The following LSAMP variants were observed in gnomAD, a reference collection of about 807,000 sequenced individuals.
The protein encoded by LSAMP is limbic system-associated membrane protein.
In LSAMP, 7 loss-of-function variants were observed where a neutral mutation model predicts 38.6. The ratio of observed to expected loss-of-function variants is 0.18; its 90% confidence interval spans 0.10 to 0.34. The LOEUF (loss-of-function observed/expected upper bound fraction) is 0.34. LSAMP is among the 10% of genes least tolerant of loss of function. The pLI, the probability that LSAMP is intolerant of heterozygous loss-of-function variation, is 1.00. For synonymous variants in LSAMP, 154 were observed against 166.8 expected (o/e 0.92, Z 0.59); for missense variants, 313 against 420.0 (o/e 0.75, Z 2.23).
chr3:115,936,432 A>G (rs1937704213), intron 3 of LSAMP, among the ~76,000 whole-genome samples: 1 of 151,540 alleles, frequency 6.6e-6, no homozygotes, highest in African/African-American at 2.4e-5. Context: ...TTCTTTAACT[A>G]TTTATTAATC....
At chr3:116,409,801 C>T (rs2048947123) in intron 1 of LSAMP, among the ~76,000 whole-genome samples, 2 of 152,010 alleles carry the variant, frequency 1.3e-5, no homozygotes, top group South Asian at 4.1e-4. Context: ...AGACATACGT[C>T]TAATTAAGGA....
At chr3:116,384,659 A>G (rs1334052648) in intron 1 of LSAMP, among the ~76,000 whole-genome samples, 1 of 152,184 alleles carries the variant, frequency 6.6e-6, no homozygotes, top group Non-Finnish European at 1.5e-5. Flanking sequence ...TGTTCTCAGT[A>G]CATGCAAACG....
intron 1 of LSAMP, among the ~76,000 whole-genome samples, chr3:116,356,335 C>T (rs2048223235): frequency 6.6e-6 from 1 of 152,132 alleles, no homozygotes; most frequent in Non-Finnish European, 1.5e-5. Flanking sequence ...GAAAGAAAAA[C>T]TTCACATGTT....
intron 3 of LSAMP, among the ~76,000 whole-genome samples, chr3:115,979,319 T>C (rs1049897090): frequency 2.6e-5 from 4 of 152,026 alleles, no homozygotes; most frequent in Middle Eastern, 3.4e-3. Context: ...AAAGGAAAGG[T>C]GAAAAGGCCC....
At chr3:116,427,451 T>C (rs1167378605) in intron 1 of LSAMP, among the ~76,000 whole-genome samples, 7 of 152,294 alleles carry the variant, frequency 4.6e-5, no homozygotes, top group African/African-American at 1.7e-4. Flanking sequence ...AACATGTCCA[T>C]AGAAACACAT....
intron 1 of LSAMP, among the ~76,000 whole-genome samples, chr3:116,241,177 A>T (rs1397931696): frequency 2.9e-5 from 4 of 138,000 alleles, no homozygotes; most frequent in African/African-American, 5.4e-5. Context: ...AACTCCATTT[A>T]AAAAAAAAAA....
chr3:115,833,926 C>T (rs564725269), intron 6 of LSAMP, among the ~76,000 whole-genome samples: 17 of 151,784 alleles, frequency 1.1e-4, no homozygotes, highest in South Asian at 2.1e-4. Flanking sequence ...CGTCTAAATA[C>T]GATGTAGGAG....
rs1576478242 is a variant in LSAMP, at chr3:116,278,680, G to A, written c.155+166197C>T. The stretch of plus-strand genomic sequence containing the variant: ...TTGTGTCATGAAAATATCTAGTAAA[G>A]TTAGCTCTTTTGATGATAATATTAT... On this transcript the variant is annotated intron_variant, in intron 1 of 6. Transcript: ENST00000490035. 2.6e-5 allele frequency among the ~76,000 whole-genome samples: 4 copies of A among 152,236 alleles called. No individual in the cohort carries two copies. The South Asian group carries it at 8.3e-4, about 32-fold the overall frequency.
intron 1 of LSAMP, among the ~76,000 whole-genome samples, chr3:116,103,571 T>C (rs1003653767): frequency 3.3e-5 from 5 of 151,196 alleles, no homozygotes; most frequent in African/African-American, 1.2e-4. Context: ...TTTTTTTTTT[T>C]TTGGCTATAT....
intron 3 of LSAMP, among the ~76,000 whole-genome samples, chr3:115,946,641 T>C (rs1231583467): frequency 6.6e-6 from 1 of 152,282 alleles, no homozygotes; most frequent in Admixed American, 6.5e-5. Flanking sequence ...TAATGCATAA[T>C]TAAAATCTTT....
At chr3:116,441,996 G>A (rs149301238) in intron 1 of LSAMP, among the ~76,000 whole-genome samples, 50 of 152,102 alleles carry the variant, frequency 3.3e-4, no homozygotes, top group African/African-American at 1.1e-3. Flanking sequence ...AGTTAGGTAT[G>A]TATACATGAA....
intron 1 of LSAMP, among the ~76,000 whole-genome samples, chr3:116,278,803 T>C (rs1441128863): frequency 6.6e-6 from 1 of 152,140 alleles, no homozygotes; most frequent in Non-Finnish European, 1.5e-5. Flanking sequence ...TACAATTTTA[T>C]TAAATAGATT....
intron 6 of LSAMP, among the ~76,000 whole-genome samples, chr3:115,837,402 A>G (rs964107412): frequency 2.0e-5 from 3 of 152,036 alleles, no homozygotes; most frequent in Non-Finnish European, 2.9e-5. Flanking sequence ...ATTGTTCTTT[A>G]ATGTGTGGGA....
intron 3 of LSAMP, among the ~76,000 whole-genome samples, chr3:115,953,437 AC>A (rs1559894823): frequency 6.0e-5 from 9 of 149,250 alleles, no homozygotes; most frequent in African/African-American, 2.2e-4. Context: ...ACACACACAC[AC>A]ACACAATGTC....
intron 3 of LSAMP, among the ~76,000 whole-genome samples, chr3:115,958,620 T>C (rs1256305626): frequency 6.6e-6 from 1 of 152,136 alleles, no homozygotes; most frequent in Non-Finnish European, 1.5e-5. Context: ...CCCCTCAATT[T>C]TCCAGGCTGT....
chr3:116,061,864 C>T (rs9854345), intron 2 of LSAMP, among the ~76,000 whole-genome samples: 18,143 of 152,144 alleles, frequency 0.12, 1,232 homozygotes, highest in Non-Finnish European at 0.15. Flanking sequence ...AATTTTTAGG[C>T]AGCAAGGTAT....
chr3:116,434,696 C>T (rs551028991), intron 1 of LSAMP, among the ~76,000 whole-genome samples: 4 of 152,176 alleles, frequency 2.6e-5, no homozygotes, highest in African/African-American at 4.8e-5. Flanking sequence ...GGGCTACAGG[C>T]GTGCACCACC....
Position 116,020,941 on chromosome 3 carries a change from C to T in LSAMP, c.389-1301G>A, listed in dbSNP as rs547490216. Among the ~76,000 whole-genome samples the T allele has an allele frequency of 6.4e-4, 98 of 152,176 alleles. 1 individual carries two copies. The highest frequency in any genetic ancestry group is 2.2e-3 in the African/African-American group (91 of 41,540). On this transcript the variant is annotated intron_variant, in intron 2 of 6. Transcript: ENST00000490035. Reference sequence around the variant, plus strand: ...AGACTCTGTGTAGTGACGAATAAAACAGGAACATTTTCTGCTTGCAGAAGC... The same window carrying T: ...AGACTCTGTGTAGTGACGAATAAAATAGGAACATTTTCTGCTTGCAGAAGC...
intron 1 of LSAMP, among the ~76,000 whole-genome samples, chr3:116,210,979 A>G (rs190116783): frequency 6.6e-6 from 1 of 152,256 alleles, no homozygotes; most frequent in African/African-American, 2.4e-5. Context: ...GTACATACAC[A>G]CAATGGAATA....
Sources: allele counts gnomAD v4.1 joint callset (sites outside exome capture counted in the v4.1 genomes callset), GRCh38; gene constraint gnomAD v4.1.1; transcripts MANE v1.5; gene names NCBI Gene and HGNC (gene_info 2026-07-23, HGNC 2026-07-21).